The following CRLF2 variants were observed in gnomAD, a reference collection of about 807,000 sequenced individuals.
The protein encoded by CRLF2 is cytokine receptor-like factor 2.
CRLF2 carries 41 observed loss-of-function variants against 38.7 expected under a neutral mutation model. That is an observed-to-expected ratio of 1.06 (90% CI 0.83 to 1.37). The LOEUF (loss-of-function observed/expected upper bound fraction) is 1.37, where lower values mean the gene tolerates loss of function less well. Among genes scored for constraint, CRLF2 ranks in the 40% most tolerant of loss-of-function variants. CRLF2 has a pLI of 0.00. For missense variants in CRLF2, 377 were observed against 322.2 expected (o/e 1.17, Z -1.30); for synonymous variants, 140 against 128.8 (o/e 1.09, Z -0.59).
intron 7 of CRLF2, among the ~76,000 whole-genome samples, chrX:1,192,806 C>T (rs2086416749): frequency 7.1e-6 from 1 of 141,116 alleles, no homozygotes. Flanking sequence ...CTCCTTCCTT[C>T]CCTTCCTTCC....
At chrX:1,191,295 C>CTCTTTCTTTCCT (rs1422779391) in intron 7 of CRLF2, 135 bp from the exon 8 acceptor site, 25,054 of 330,962 alleles carry the variant, frequency 0.076, 844 homozygotes, top group Non-Finnish European at 0.092. Context: ...CTTTTCTTTT[C>CTCTTTCTTTCCT]TCTTTCTTTC....
At chrX:1,195,515 C>G (rs1413704068) in intron 6 of CRLF2, among the ~76,000 whole-genome samples, 5 of 151,864 alleles carry the variant, frequency 3.3e-5, no homozygotes, top group Non-Finnish European at 7.4e-5. Context: ...TCAAGCCGTC[C>G]TTCCACCTCA....
intron 5 of CRLF2, 86 bp from the exon 6 acceptor site, chrX:1,196,986 A>C: frequency 1.8e-6 from 2 of 1,120,524 alleles, no homozygotes; most frequent in Non-Finnish European, 2.4e-6. Flanking sequence ...CTCATCCCTA[A>C]CCAGTCTCCC....
intron 7 of CRLF2, among the ~76,000 whole-genome samples, chrX:1,192,448 G>C (rs2086401036): frequency 1.4e-5 from 2 of 146,384 alleles, no homozygotes; most frequent in Admixed American, 1.4e-4. Context: ...AAACCCATCT[G>C]TACTAAAAAT....
At position 1,198,732 on chromosome X, in the gene CRLF2, AACATACACACACACACAC is replaced by A; in HGVS notation, c.484-26_484-9del. On this transcript the variant is annotated splice_polypyrimidine_tract_variant and intron_variant, in intron 4 of 7. Transcript: ENST00000400841. ...GGTATTTTCCTGTTTGGACTGGAGA[AACATACACACACACACAC>A]ACACACACACACACACACACACACA... 1 of 873,626 alleles carries A rather than the reference AACATACACACACACACAC, an allele frequency of 1.1e-6. No individual in the cohort carries two copies. Among genetic ancestry groups the A allele is most frequent in the East Asian group, 3.1e-5 (1 of 32,480 alleles). 54.1% of individuals were successfully genotyped at this position (873,626 alleles called of 1,614,324 possible).
In CRLF2 at chrX:1,200,587, A is replaced by G. The variant is rs1426326193; in HGVS notation, c.483+1815T>C. Among the ~76,000 whole-genome samples, 558 of 103,598 alleles carry G rather than the reference A, an allele frequency of 5.4e-3. 15 individuals are homozygous for G. Among genetic ancestry groups the G allele is most frequent in the African/African-American group, 0.016 (494 of 30,866 alleles). 68.0% of individuals were successfully genotyped at this position (103,598 alleles called of 152,430 possible). A position where few individuals can be genotyped will look rare whatever the true frequency, so the allele number is the denominator to read the frequency against. On this transcript the variant is annotated intron_variant, in intron 4 of 7. Transcript: ENST00000400841. ...GTATATAAGCTGTGTGTGTGTATAT[A>G]TGTGTGTATATAAGATGTGTATATA...
chrX:1,191,298 T>TTTCTTCC, intron 7 of CRLF2, 138 bp from the exon 8 acceptor site: 1 of 328,300 alleles, frequency 3.0e-6, no homozygotes, highest in Non-Finnish European at 5.1e-6. Flanking sequence ...TTCTTTTCTC[T>TTTCTTCC]TTCTTTCTTT....
At chrX:1,192,900 G>C (rs1255805156) in intron 7 of CRLF2, among the ~76,000 whole-genome samples, 1 of 149,108 alleles carries the variant, frequency 6.7e-6, no homozygotes, top group African/African-American at 2.5e-5. Flanking sequence ...TGCAACCTCT[G>C]CCTCCACAGT....
chrX:1,204,389 C>T (rs1316251358), intron 3 of CRLF2, among the ~76,000 whole-genome samples: 20 of 150,292 alleles, frequency 1.3e-4, no homozygotes, highest in African/African-American at 2.0e-4. Context: ...CCACCAAGCC[C>T]GGCTAATTAT....
chrX:1,198,747 A>ACACG, intron 4 of CRLF2, 23 bp from the exon 5 acceptor site: 1 of 1,206,072 alleles, frequency 8.3e-7, no homozygotes, highest in South Asian at 1.3e-5. Context: ...ACACACACAC[A>ACACG]CACACACACA....
chrX:1,193,590 C>T (rs2147821639), intron 6 of CRLF2, among the ~76,000 whole-genome samples: 1 of 151,706 alleles, frequency 6.6e-6, no homozygotes, highest in South Asian at 2.1e-4. Flanking sequence ...CCAGCCTGGC[C>T]AACATGGTGA....
chrX:1,208,823 G>A lies in CRLF2; in HGVS notation c.165C>T (p.Asn55=). ...CCACTTACCTGTAGTGGAAAGTCAG[G>A]TTGGTCCTGGAGTATTTGCTGGCAT... The part of the protein sequence containing the change: ...TWNASKYSRT[N]LTFHYRFNGD... Residue 55 remains asparagine, a synonymous_variant, in exon 2 of 8, where the codon AAC becomes AAT. Coordinates refer to ENST00000400841, the MANE Select transcript of CRLF2 (RefSeq NM_022148.4). 1 of 1,609,358 alleles carries A rather than the reference G, an allele frequency of 6.2e-7. No individual in the cohort carries two copies. Among genetic ancestry groups the A allele is most frequent in the Non-Finnish European group, 8.5e-7 (1 of 1,175,750 alleles).
At chrX:1,208,967 T>A (rs1250568068) in intron 1 of CRLF2, 59 bp from the exon 2 acceptor site, 22 of 1,006,130 alleles carry the variant, frequency 2.2e-5, no homozygotes, top group South Asian at 7.1e-5. Flanking sequence ...TTTATTTTTT[T>A]AAATTTATTT....
intron 6 of CRLF2, among the ~76,000 whole-genome samples, chrX:1,196,079 T>C (rs1462468021): frequency 0.73 from 106,504 of 146,352 alleles, 38,950 homozygotes; most frequent in East Asian, 0.84. Context: ...TGGGGTTTCT[T>C]CATGTTGGCC....
intron 7 of CRLF2, among the ~76,000 whole-genome samples, chrX:1,191,361 C>CCTTCCTTCCTTCCTTCCTTT: frequency 1.4e-5 from 1 of 73,200 alleles, no homozygotes; most frequent in African/African-American, 5.3e-5. Context: ...TTCTTTCTTT[C>CCTTCCTTCCTTCCTTCCTTT]CTTTCTTTCT....
chrX:1,192,832 T>C (rs1432671029), intron 7 of CRLF2, among the ~76,000 whole-genome samples: 4 of 148,490 alleles, frequency 2.7e-5, no homozygotes, highest in African/African-American at 9.9e-5. Context: ...TTTTTTTTTC[T>C]TGACAGAGTC....
chrX:1,202,027 G>A (rs28436229), intron 4 of CRLF2, among the ~76,000 whole-genome samples: 81,999 of 148,470 alleles, frequency 0.55, 23,079 homozygotes, highest in East Asian at 0.68. Context: ...TGAAAGACAG[G>A]GATAGAGATA....
At chrX:1,191,577 G>A (rs1198958465) in intron 7 of CRLF2, among the ~76,000 whole-genome samples, 11,906 of 150,976 alleles carry the variant, frequency 0.079, 708 homozygotes, top group East Asian at 0.32. Flanking sequence ...TGTTTCCCAG[G>A]CTGGAGTGCA....
chrX:1,191,616 C>G (rs1335159939), intron 7 of CRLF2, among the ~76,000 whole-genome samples: 1 of 151,512 alleles, frequency 6.6e-6, no homozygotes, highest in Non-Finnish European at 1.5e-5. Flanking sequence ...ACTGCAGCCT[C>G]CGCCTACCCG....
Sources: gnomAD v4.1 joint callset for allele counts (sites outside exome capture counted in the v4.1 genomes callset) on GRCh38, gnomAD v4.1.1 for gene constraint, MANE v1.5 for transcripts, NCBI Gene and HGNC (gene_info 2026-07-23, HGNC 2026-07-21) for gene names.